Variants in PDZRN3 observed in about 807,000 individuals in gnomAD.
PDZRN3 encodes the protein E3 ubiquitin-protein ligase PDZRN3.
In PDZRN3, 38 loss-of-function variants were observed where a neutral mutation model predicts 85.7. The observed-to-expected ratio is 0.44, with a 90% CI of 0.34 to 0.58. PDZRN3 has a LOEUF of 0.58. Ranked by LOEUF, PDZRN3 falls within the 20% of genes least tolerant of loss-of-function variation. The probability of loss-of-function intolerance (pLI) is 0.01; values close to 1 mark genes in which losing one functional copy is unlikely to be tolerated. For missense variants in PDZRN3, 1,629 were observed against 1,506.4 expected, an observed-to-expected ratio of 1.08 and a Z score of -1.35; for synonymous variants, 759 against 638.0, an observed-to-expected ratio of 1.19 and a Z score of -2.86.
At chr3:73,504,584 C>T (rs1473847388) in intron 3 of PDZRN3, among the ~76,000 whole-genome samples, 2 of 152,160 alleles carry the variant, frequency 1.3e-5, no homozygotes, top group African/African-American at 2.4e-5. Flanking sequence ...CCATTATTAA[C>T]CTGGGCTGCT....
In PDZRN3 at chr3:73,437,641, A is replaced by G. The variant is rs115427062; in HGVS notation, c.919-33246T>C. Among the ~76,000 whole-genome samples, 830 of 152,282 alleles carry G rather than the reference A, an allele frequency of 5.5e-3. 8 individuals are homozygous for G. The highest frequency in any genetic ancestry group is 0.019 in the African/African-American group (791 of 41,552). On this transcript the variant is annotated intron_variant, in intron 3 of 9. Coordinates refer to ENST00000263666, the MANE Select transcript of PDZRN3 (RefSeq NM_015009.3). ...GGTTGAGTTTCCATTCTTGTGATTA[A>G]TATGTGTTATTTGGAATAAAAAATG...
chr3:73,461,316 C>T (rs1703098503), intron 3 of PDZRN3, among the ~76,000 whole-genome samples: 2 of 152,156 alleles, frequency 1.3e-5, no homozygotes, highest in Admixed American at 1.3e-4. Flanking sequence ...TTGCAGCATT[C>T]TTAGTCAATT....
chr3:73,516,219 T>C (rs972768207), intron 3 of PDZRN3, among the ~76,000 whole-genome samples: 8 of 152,122 alleles, frequency 5.3e-5, no homozygotes, highest in African/African-American at 1.9e-4. Context: ...ATACATATCT[T>C]GGCACACTCT....
chr3:73,563,230 T>C lies in PDZRN3; in HGVS notation c.918+39124A>G, dbSNP rs988136051. 6.7e-5 allele frequency among the ~76,000 whole-genome samples: 10 copies of C among 150,320 alleles called. No homozygotes were observed. The East Asian group carries it at 1.8e-3, about 27-fold the overall frequency. ...TTTTGTGTTTTTAGTAGAGATGGGG[T>C]TTCACCGTGTTAGCCAGGATGGTCT... On this transcript the variant is annotated intron_variant, in intron 3 of 9. Transcript: ENST00000263666.
intron 3 of PDZRN3, among the ~76,000 whole-genome samples, chr3:73,473,642 T>C (rs997468959): frequency 1.3e-5 from 2 of 152,186 alleles, no homozygotes; most frequent in African/African-American, 4.8e-5. Context: ...CTATAATCCT[T>C]TGAAGTACTA....
intron 3 of PDZRN3, among the ~76,000 whole-genome samples, chr3:73,460,744 T>C (rs1703086621): frequency 6.6e-6 from 1 of 152,164 alleles, no homozygotes; most frequent in Admixed American, 6.5e-5. Flanking sequence ...GTAAATGAAT[T>C]TAACACAGCC....
chr3:73,579,500 CTG>C (rs1310236801), intron 3 of PDZRN3, among the ~76,000 whole-genome samples: 1 of 152,154 alleles, frequency 6.6e-6, no homozygotes, highest in Non-Finnish European at 1.5e-5. Context: ...ATACTTTACA[CTG>C]TTTTATTATT....
At chr3:73,448,304 AC>A (rs1316207789) in intron 3 of PDZRN3, among the ~76,000 whole-genome samples, 2 of 152,278 alleles carry the variant, frequency 1.3e-5, no homozygotes, top group Non-Finnish European at 2.9e-5. Context: ...AATTACTCAT[AC>A]AGAGTTACTC....
chr3:73,421,104 G>T (rs1318367304), intron 3 of PDZRN3, among the ~76,000 whole-genome samples: 1 of 152,084 alleles, frequency 6.6e-6, no homozygotes, highest in Non-Finnish European at 1.5e-5. Flanking sequence ...AAATATTTTT[G>T]ATCATCAGTT....
At chr3:73,473,501 C>T (rs1703389015) in intron 3 of PDZRN3, among the ~76,000 whole-genome samples, 1 of 151,830 alleles carries the variant, frequency 6.6e-6, no homozygotes, top group South Asian at 2.1e-4. Flanking sequence ...TACATAGGCC[C>T]ATTTAAACAT....
rs775497530 is a variant in PDZRN3 at position 73,384,083 on chromosome 3, T to G, written c.2483A>C (p.Glu828Ala). Reference protein sequence around the residue: ...GTPTYSPSLKELDPNQPLESK... With the variant: ...GTPTYSPSLKALDPNQPLESK... ...TTCCAGGGGCTGGTTGGGGTCCAGCTCCTTCAGGGACGGGCTATAGGTAGG... is the reference window on the plus strand; with the variant it reads ...TTCCAGGGGCTGGTTGGGGTCCAGCGCCTTCAGGGACGGGCTATAGGTAGG... The change falls in exon 10 of 10, where the codon GAG becomes GCG. Residue 828 changes from glutamate (E) to alanine (A), a missense_variant. By Grantham distance (107) the Glu-to-Ala change is moderately radical. Coordinates refer to ENST00000263666, the MANE Select transcript of PDZRN3 (RefSeq NM_015009.3). 6.2e-6 allele frequency: 10 copies of G among 1,612,988 alleles called. No homozygotes were observed. In the African/African-American group the frequency reaches 1.2e-4, roughly 19 times the overall value.
intron 3 of PDZRN3, chr3:73,556,942 T>C (rs2106819234): frequency 6.6e-6 from 1 of 152,620 alleles, no homozygotes; most frequent in Non-Finnish European, 1.5e-5. Flanking sequence ...TGTTTTCCTC[T>C]TTCCAGCCCC....
chr3:73,383,740 C>T lies in PDZRN3; in HGVS notation c.2826G>A (p.Leu942=). Residue 942 remains leucine, a synonymous_variant, in exon 10 of 10, where the codon CTG becomes CTA. Transcript: ENST00000263666. ...GGATCTTCAGGGCGCGCTCCCGCAG[C>T]AGGCGGTCCCGCACGGGCCTCTTGG... is the stretch of plus-strand genomic sequence containing the variant. ...YITKRPVRDR[L]LRERALKIRE... 1 of 1,612,192 alleles carries T rather than the reference C, an allele frequency of 6.2e-7. No individual in the cohort carries two copies. The highest frequency in any genetic ancestry group is 8.5e-7 in the Non-Finnish European group (1 of 1,179,960).
intron 3 of PDZRN3, among the ~76,000 whole-genome samples, chr3:73,499,516 C>CCAGG (rs1195536906): frequency 6.6e-6 from 1 of 152,184 alleles, no homozygotes; most frequent in Non-Finnish European, 1.5e-5. Flanking sequence ...TGCTACTATT[C>CCAGG]GTGTAAGGCT....
At chr3:73,398,862 G>A (rs781657798) in intron 5 of PDZRN3, among the ~76,000 whole-genome samples, 5 of 152,136 alleles carry the variant, frequency 3.3e-5, no homozygotes, top group African/African-American at 7.2e-5. Flanking sequence ...TCTGCTTGAC[G>A]CAGTGGTATA....
intron 3 of PDZRN3, among the ~76,000 whole-genome samples, chr3:73,524,344 T>C (rs1353832370): frequency 6.6e-6 from 1 of 152,176 alleles, no homozygotes; most frequent in Non-Finnish European, 1.5e-5. Context: ...TTAAAAAAGC[T>C]TAAAAACCAC....
chr3:73,485,224 C>T (rs1703641640), intron 3 of PDZRN3, among the ~76,000 whole-genome samples: 1 of 151,384 alleles, frequency 6.6e-6, no homozygotes, highest in Admixed American at 6.6e-5. Context: ...ACACACATAG[C>T]CCCAGAAAAA....
Position 73,624,857 on chromosome 3 carries a change from G to A in PDZRN3, c.-32C>T. 7.9e-7 allele frequency: 1 copy of A among 1,267,372 alleles called. No individual in the cohort carries two copies. Among genetic ancestry groups the A allele is most frequent in the Non-Finnish European group, 9.9e-7 (1 of 1,009,046 alleles). 78.5% of individuals were successfully genotyped at this position (1,267,372 alleles called of 1,614,324 possible). A position where few individuals can be genotyped will look rare whatever the true frequency, so the allele number is the denominator to read the frequency against. On this transcript the variant is annotated 5_prime_UTR_variant, in exon 1 of 10. Coordinates refer to ENST00000263666, the MANE Select transcript of PDZRN3 (RefSeq NM_015009.3). ...GGCCAGGCCCCGGGGTCGCCGCCGG[G>A]CGGCCGGGCGCCCCCTCCCTCCCCA...
At chr3:73,569,364 T>C in intron 3 of PDZRN3, 2 of 1,203,244 alleles carry the variant, frequency 1.7e-6, no homozygotes, top group Non-Finnish European at 1.1e-6. Flanking sequence ...GTGAGGAGGC[T>C]GGGAGGGAGG....
Sources: gnomAD v4.1 joint callset for allele counts (sites outside exome capture counted in the v4.1 genomes callset) on GRCh38, gnomAD v4.1.1 for gene constraint, MANE v1.5 for transcripts, NCBI Gene and HGNC (gene_info 2026-07-23, HGNC 2026-07-21) for gene names.